Variants in DIS3 observed in about 807,000 individuals in gnomAD.
DIS3 encodes the protein exosome complex exonuclease RRP44.
DIS3 carries 103 observed loss-of-function variants against 113.0 expected under a neutral mutation model. That is an observed-to-expected ratio of 0.91 (90% CI 0.78 to 1.07). The LOEUF is 1.07. Ranked by LOEUF, DIS3 falls within the 50% of genes least tolerant of loss-of-function variation. The pLI is 0.00. For missense variants in DIS3, 1,121 were observed against 1,167.1 expected, an observed-to-expected ratio of 0.96 and a Z score of 0.58; for synonymous variants, 402 against 394.3, an observed-to-expected ratio of 1.02 and a Z score of -0.23.
intron 11 of DIS3, 46 bp downstream of exon 11, chr13:72,771,749 C>A: frequency 6.4e-7 from 1 of 1,564,150 alleles, no homozygotes; most frequent in Non-Finnish European, 8.7e-7. Context: ...GTTTAAGAAT[C>A]CTTAAGTGTC....
In DIS3 at chr13:72,762,269, G is replaced by A. The variant is rs563850533; in HGVS notation, c.2128-132C>T. On this transcript the variant is annotated intron_variant, in intron 16 of 20. Coordinates refer to ENST00000377767, the MANE Select transcript of DIS3 (RefSeq NM_014953.5). ...TATTTTCCTTCCCTTCAAAGTAGAA[G>A]TAGTAGCCAGAAACAAAACTGTACT... 8.7e-6 allele frequency: 7 copies of A among 801,614 alleles called. No individual in the cohort carries two copies. The East Asian group carries it at 1.6e-4, about 18-fold the overall frequency. The allele number at this position is 801,614 out of a possible 1,614,324, so 49.7% of individuals were successfully genotyped here. A position where few individuals can be genotyped will look rare whatever the true frequency, so the allele number is the denominator to read the frequency against.
intron 8 of DIS3, 62 bp from the exon 9 acceptor site, chr13:72,772,901 T>A: frequency 6.7e-7 from 1 of 1,492,606 alleles, no homozygotes; most frequent in Non-Finnish European, 9.0e-7. Flanking sequence ...CTTATCATAT[T>A]AAATTCTTCA....
chr13:72,762,225 A>G, intron 16 of DIS3, 88 bp from the exon 17 acceptor site: 1 of 1,154,996 alleles, frequency 8.7e-7, no homozygotes, highest in Non-Finnish European at 1.2e-6. Context: ...ATCTGACTGA[A>G]CAAACATCAT....
At position 72,753,001 on chromosome 13, in the gene DIS3, A is replaced by G. The variant is rs146256965; in HGVS notation, c.*6794T>C. On this transcript the variant is annotated 3_prime_UTR_variant, in exon 21 of 21. Coordinates refer to ENST00000377767, the MANE Select transcript of DIS3 (RefSeq NM_014953.5). ...CACATCTTCATCACCTCATCACTGG[A>G]TGACATTGTGAAAGTTAAGCTTTTT... 17 of 152,352 alleles carry G rather than the reference A, an allele frequency of 1.1e-4. No individual in the cohort carries two copies. Among genetic ancestry groups the G allele is most frequent in the African/African-American group, 3.8e-4 (16 of 41,570 alleles). 9.4% of individuals were successfully genotyped at this position (152,352 alleles called of 1,614,324 possible).
intron 11 of DIS3, among the ~76,000 whole-genome samples, 162 bp downstream of exon 11, chr13:72,771,633 C>T (rs1305222490): frequency 6.6e-6 from 1 of 152,100 alleles, no homozygotes; most frequent in Admixed American, 6.6e-5. Flanking sequence ...TTGACTTTCA[C>T]AATACTTTAC....
chr13:72,760,446 A>G, intron 20 of DIS3, 83 bp downstream of exon 20: 1 of 1,555,970 alleles, frequency 6.4e-7, no homozygotes, highest in Non-Finnish European at 8.8e-7. Flanking sequence ...TCTAACATTA[A>G]ACAGAAATAA....
At position 72,755,926 on chromosome 13, in the gene DIS3, G is replaced by A; in HGVS notation, c.*3869C>T. ...ATCCTTTCCAGCTCAAACGTGGGTA[G>A]GGATGTGGGAGAATAAGAATGTGGG... On this transcript the variant is annotated 3_prime_UTR_variant, in exon 21 of 21. Coordinates refer to ENST00000377767, the MANE Select transcript of DIS3 (RefSeq NM_014953.5). 5.0e-6 allele frequency: 2 copies of A among 398,634 alleles called. No individual in the cohort carries two copies. The highest frequency in any genetic ancestry group is 8.8e-6 in the Non-Finnish European group (2 of 226,072). The allele number at this position is 398,634 out of a possible 1,614,324, so 24.7% of individuals were successfully genotyped here. A position where few individuals can be genotyped will look rare whatever the true frequency, so the allele number is the denominator to read the frequency against.
At chr13:72,778,025 G>C (rs934492898) in intron 3 of DIS3, among the ~76,000 whole-genome samples, 162 bp downstream of exon 3, 4 of 152,108 alleles carry the variant, frequency 2.6e-5, no homozygotes, top group African/African-American at 9.7e-5. Context: ...AACATATTTA[G>C]GTTAAAAACT....
At chr13:72,780,114 T>A (rs985955050) in intron 2 of DIS3, among the ~76,000 whole-genome samples, 1 of 151,414 alleles carries the variant, frequency 6.6e-6, no homozygotes, top group Non-Finnish European at 1.5e-5. Flanking sequence ...GATCACGAGG[T>A]CAGGAATTCG....
rs1307103314 is a variant in DIS3, at chr13:72,778,216, GCTTT to G, written c.547_550del (p.Lys183ProfsTer2). On this transcript the variant is annotated frameshift_variant, in exon 3 of 21. Transcript: ENST00000377767. LOFTEE classifies it high-confidence loss of function. ...GAAAGCTGGTATTCCTTCTTCTATGGCTTTCTCTTTGTTTCTCCTGTCATTTGTT... is the reference window on the plus strand; with the variant it reads ...GAAAGCTGGTATTCCTTCTTCTATGGCTCTTTGTTTCTCCTGTCATTTGTT... 5 of 1,596,860 alleles carry G rather than the reference GCTTT, an allele frequency of 3.1e-6. No individual in the cohort carries two copies. Among genetic ancestry groups the G allele is most frequent in the Non-Finnish European group, 4.3e-6 (5 of 1,166,720 alleles).
In DIS3 at chr13:72,767,898, T is replaced by G. The variant is rs547424064; in HGVS notation, c.1883+887A>C. Among the ~76,000 whole-genome samples, 419 of 152,348 alleles carry G rather than the reference T, an allele frequency of 2.8e-3. 2 individuals carry two copies. The highest frequency in any genetic ancestry group is 6.8e-3 in the Middle Eastern group (2 of 294). On this transcript the variant is annotated intron_variant, in intron 14 of 20. Coordinates refer to ENST00000377767, the MANE Select transcript of DIS3 (RefSeq NM_014953.5). ...GGTTCATGTACTTGGTTTCCTCTGA[T>G]AGTCAACAACGTCTTTTAAGAGTCA... is the stretch of plus-strand genomic sequence containing the variant.
Position 72,775,226 on chromosome 13 carries a change from T to C in DIS3, c.972A>G (p.Glu324=). 6.2e-7 allele frequency: 1 copy of C among 1,613,068 alleles called. No individual in the cohort carries two copies. ...AGATTCATACCATTCGTTCTGTCTCTTCTTCTTTCTCCACATCTTCTTCAT... is the reference window on the plus strand; with the variant it reads ...AGATTCATACCATTCGTTCTGTCTCCTCTTCTTTCTCCACATCTTCTTCAT... ...GQNEEDVEKE[E]ETERMLKTAV... Residue 324 remains glutamate (E), a synonymous_variant, in exon 6 of 21, where the codon GAA becomes GAG. Coordinates refer to ENST00000377767, the MANE Select transcript of DIS3 (RefSeq NM_014953.5).
chr13:72,768,932 T>C lies in DIS3; in HGVS notation c.1756-20A>G. On this transcript the variant is annotated intron_variant, in intron 13 of 20. Transcript: ENST00000377767. ...AGATGCCTAAAAAAGAAAATGTATGTTATATAATTCTTATAAATGATAGAA... is the reference window on the plus strand; with the variant it reads ...AGATGCCTAAAAAAGAAAATGTATGCTATATAATTCTTATAAATGATAGAA... 6.6e-7 allele frequency: 1 copy of C among 1,524,550 alleles called. No individual in the cohort carries two copies. The highest frequency in any genetic ancestry group is 2.3e-5 in the East Asian group (1 of 43,992). The allele number at this position is 1,524,550 out of a possible 1,614,324, so 94.4% of individuals were successfully genotyped here.
intron 6 of DIS3, among the ~76,000 whole-genome samples, chr13:72,774,263 A>G (rs994852218): frequency 6.6e-6 from 1 of 152,194 alleles, no homozygotes; most frequent in Non-Finnish European, 1.5e-5. Flanking sequence ...TTGATAATAA[A>G]GTACTACAAA....
intron 4 of DIS3, 52 bp from the exon 5 acceptor site, chr13:72,776,144 A>C (rs1167381024): frequency 3.3e-6 from 5 of 1,500,006 alleles, no homozygotes; most frequent in Non-Finnish European, 3.6e-6. Flanking sequence ...CTGTTCACTC[A>C]ATACACAACT....
intron 13 of DIS3, among the ~76,000 whole-genome samples, 177 bp from the exon 14 acceptor site, chr13:72,769,089 A>G (rs1339845230): frequency 6.6e-6 from 1 of 152,240 alleles, no homozygotes; most frequent in Non-Finnish European, 1.5e-5. Context: ...TGGTTCATTA[A>G]TTCTTATCTG....
At chr13:72,766,867 C>G (rs550167339) in intron 14 of DIS3, among the ~76,000 whole-genome samples, 2 of 152,214 alleles carry the variant, frequency 1.3e-5, no homozygotes, top group African/African-American at 4.8e-5. Context: ...TAAGATGGAG[C>G]AAGTTAAAAG....
At chr13:72,765,910 C>G (rs1038051291) in intron 15 of DIS3, 62 bp downstream of exon 15, 2 of 1,170,106 alleles carry the variant, frequency 1.7e-6, no homozygotes, top group African/African-American at 3.1e-5. Context: ...TTTGTACTTA[C>G]AGTAGACATG....
At chr13:72,763,648 C>T in intron 15 of DIS3, 41 bp from the exon 16 acceptor site, 1 of 1,568,950 alleles carries the variant, frequency 6.4e-7, no homozygotes, top group Non-Finnish European at 8.6e-7. Flanking sequence ...AAAAGAGAAT[C>T]TGAGACTTCT....
Sources: gnomAD v4.1 joint callset for allele counts (sites outside exome capture counted in the v4.1 genomes callset) on GRCh38, gnomAD v4.1.1 for gene constraint, MANE v1.5 for transcripts, NCBI Gene and HGNC (gene_info 2026-07-23, HGNC 2026-07-21) for gene names.